GRM7: variants seen among roughly 807,000 people sequenced by gnomAD.
The protein encoded by GRM7 is metabotropic glutamate receptor 7.
GRM7 carries 35 observed loss-of-function variants against 84.5 expected under a neutral mutation model. The ratio of observed to expected loss-of-function variants is 0.41; its 90% CI spans 0.32 to 0.55. GRM7 has a LOEUF of 0.55. Ranked by LOEUF, GRM7 falls within the 20% of genes least tolerant of loss-of-function variation. The pLI is 0.19. For synonymous variants in GRM7, 487 were observed against 455.1 expected, an observed-to-expected ratio of 1.07 and a Z score of -0.89; for missense variants, 1,003 against 1,194.6, an observed-to-expected ratio of 0.84 and a Z score of 2.36.
chr3:7,261,799 C>T (rs1435291800), intron 2 of GRM7, among the ~76,000 whole-genome samples: 1 of 152,024 alleles, frequency 6.6e-6, no homozygotes, highest in East Asian at 1.9e-4. Flanking sequence ...TAACAAATTC[C>T]CTCAGCATTT....
At chr3:7,685,616 T>C (rs752049224) in intron 9 of GRM7, among the ~76,000 whole-genome samples, 1 of 152,168 alleles carries the variant, frequency 6.6e-6, no homozygotes, top group Non-Finnish European at 1.5e-5. Flanking sequence ...GAATAACAAT[T>C]TGTACCTGAA....
intron 8 of GRM7, among the ~76,000 whole-genome samples, chr3:7,622,540 G>C (rs1400363777): frequency 6.6e-6 from 1 of 152,054 alleles, no homozygotes; most frequent in Non-Finnish European, 1.5e-5. Flanking sequence ...TGTGTTAAGT[G>C]CCATAAAGGA....
At chr3:6,967,683 A>G (rs1693581548) in intron 1 of GRM7, among the ~76,000 whole-genome samples, 1 of 152,254 alleles carries the variant, frequency 6.6e-6, no homozygotes. Context: ...ACAACGTTAT[A>G]TATTGATACA....
chr3:7,695,447 A>G (rs1368233929), intron 9 of GRM7, among the ~76,000 whole-genome samples: 1 of 152,166 alleles, frequency 6.6e-6, no homozygotes, highest in Non-Finnish European at 1.5e-5. Context: ...TTAGCCCTGA[A>G]GTCCTCAAAG....
chr3:7,304,968 C>T (rs1230021006), intron 3 of GRM7, among the ~76,000 whole-genome samples: 1 of 152,172 alleles, frequency 6.6e-6, no homozygotes, highest in Middle Eastern at 3.2e-3. Flanking sequence ...ACGGGCAGTG[C>T]ATGACAACTG....
At position 6,928,363 on chromosome 3, in the gene GRM7, G is replaced by A. The variant is rs1697385877; in HGVS notation, c.519+66456G>A. On this transcript the variant is annotated intron_variant, in intron 1 of 9. Transcript: ENST00000357716. This position sits in a 1 kb window ranked among gnomAD's most constrained non-coding sequence, Gnocchi z 4.5. ...CTATTTGGCACTGGTCCTGCAGGAA[G>A]GTGGCAATGTTACTCACACAGTGAA... Among the ~76,000 whole-genome samples the A allele has an allele frequency of 6.6e-6, 1 of 152,110 alleles. No individual in the cohort carries two copies. The highest frequency in any genetic ancestry group is 2.4e-5 in the African/African-American group (1 of 41,430).
At chr3:7,592,699 C>T (rs1298705894) in intron 8 of GRM7, among the ~76,000 whole-genome samples, 1 of 152,178 alleles carries the variant, frequency 6.6e-6, no homozygotes, top group African/African-American at 2.4e-5. Flanking sequence ...TGACAAGTGA[C>T]CAGTAAAGAT....
chr3:7,211,882 C>A (rs891932107), intron 2 of GRM7, among the ~76,000 whole-genome samples: 2 of 152,068 alleles, frequency 1.3e-5, no homozygotes, highest in Non-Finnish European at 2.9e-5. Context: ...AAAACTTTTT[C>A]ACTTTTGACT....
At chr3:7,061,623 A>C (rs527506654) in intron 1 of GRM7, among the ~76,000 whole-genome samples, 1 of 151,912 alleles carries the variant, frequency 6.6e-6, no homozygotes, top group South Asian at 2.1e-4. Flanking sequence ...GTCTCAACAA[A>C]GAAAATAATG....
rs1295834368 is a variant in GRM7, at chr3:7,486,740, G to A, written c.1515+25018G>A. Among the ~76,000 whole-genome samples, 1 of 152,190 alleles carries A rather than the reference G, an allele frequency of 6.6e-6. No individual in the cohort carries two copies. Among genetic ancestry groups the A allele is most frequent in the Admixed American group, 6.6e-5 (1 of 15,266 alleles). On this transcript the variant is annotated intron_variant, in intron 7 of 9. Transcript: ENST00000357716. The surrounding 1 kb of genome is among the most constrained non-coding windows in gnomAD (Gnocchi z 5.5). Reference sequence around the variant, plus strand: ...AAGGCTGTTTTTTAAAATAATTTATGCAGCCTCAGGTATTCTACTACAGCA... The same window carrying A: ...AAGGCTGTTTTTTAAAATAATTTATACAGCCTCAGGTATTCTACTACAGCA...
intron 1 of GRM7, among the ~76,000 whole-genome samples, chr3:6,900,887 T>A (rs1019360383): frequency 2.6e-5 from 4 of 152,222 alleles, no homozygotes; most frequent in Non-Finnish European, 5.9e-5. Flanking sequence ...TGGCTATTTT[T>A]ACAAGATCCA....
chr3:7,234,320 A>T (rs560278599), intron 2 of GRM7, among the ~76,000 whole-genome samples: 132 of 152,322 alleles, frequency 8.7e-4, no homozygotes, highest in Non-Finnish European at 1.5e-3. Flanking sequence ...GAAGATAGTG[A>T]TTAATTCACA....
intron 7 of GRM7, among the ~76,000 whole-genome samples, chr3:7,481,340 G>A (rs535135725): frequency 7.2e-5 from 11 of 152,158 alleles, no homozygotes; most frequent in South Asian, 2.1e-4. Context: ...CTGGGCTCCC[G>A]CCTCGGCCTC....
chr3:7,337,634 C>T (rs1701472443), intron 4 of GRM7, among the ~76,000 whole-genome samples: 1 of 151,618 alleles, frequency 6.6e-6, no homozygotes, highest in African/African-American at 2.4e-5. Flanking sequence ...ACACAAATGG[C>T]CAATAAACAT....
chr3:7,357,564 A>C (rs1214857025), intron 4 of GRM7, among the ~76,000 whole-genome samples: 1 of 152,118 alleles, frequency 6.6e-6, no homozygotes, highest in Non-Finnish European at 1.5e-5. Flanking sequence ...TAAAATCTAA[A>C]TAGCTGGGCT....
chr3:6,999,397 C>G (rs375087694), intron 1 of GRM7, among the ~76,000 whole-genome samples: 22 of 152,172 alleles, frequency 1.4e-4, no homozygotes, highest in African/African-American at 5.3e-4. Context: ...TTCCAAGTCT[C>G]TAGGAAGTTC....
chr3:7,144,796 T>C lies in GRM7; in HGVS notation c.520-1656T>C, dbSNP rs537264855. 3.9e-5 allele frequency among the ~76,000 whole-genome samples: 6 copies of C among 152,308 alleles called. No homozygotes were observed. In the South Asian group the frequency reaches 1.0e-3, roughly 26 times the overall value. On this transcript the variant is annotated intron_variant, in intron 1 of 9. Coordinates refer to ENST00000357716, the MANE Select transcript of GRM7 (RefSeq NM_000844.4). Reference sequence around the variant, plus strand: ...ATACCAAATCCTATTTTACTTGCATTAAACCTCACTATAATTGACAAGTTG... The same window carrying C: ...ATACCAAATCCTATTTTACTTGCATCAAACCTCACTATAATTGACAAGTTG...
chr3:7,467,750 A>G (rs934100882), intron 7 of GRM7, among the ~76,000 whole-genome samples: 4 of 152,194 alleles, frequency 2.6e-5, no homozygotes, highest in Admixed American at 2.6e-4. Flanking sequence ...ATAAATTAAG[A>G]CAATTTATGT....
At chr3:7,649,820 A>AG (rs1698842743) in intron 8 of GRM7, among the ~76,000 whole-genome samples, 1 of 87,094 alleles carries the variant, frequency 1.1e-5, no homozygotes, top group Non-Finnish European at 2.5e-5. Context: ...TGCTGGCAAA[A>AG]GAAAAAAAAA....
Sources: allele counts gnomAD v4.1 joint callset (sites outside exome capture counted in the v4.1 genomes callset), GRCh38; gene constraint gnomAD v4.1.1; non-coding constraint Gnocchi (gnomAD v3.1); transcripts MANE v1.5; gene names NCBI Gene and HGNC (gene_info 2026-07-23, HGNC 2026-07-21).